Variants in TBXAS1 observed in about 807,000 individuals in gnomAD.
TBXAS1 encodes the protein thromboxane A synthase 1, also known as thromboxane-A synthase.
A neutral mutation model predicts 60.7 loss-of-function variants in TBXAS1; 48 were observed. That is an observed-to-expected ratio of 0.79 (90% CI 0.63 to 1.01). The LOEUF (loss-of-function observed/expected upper bound fraction) is 1.01. TBXAS1 is among the 50% of genes least tolerant of loss of function. The pLI, the probability that TBXAS1 is intolerant of heterozygous loss-of-function variation, is 0.00. For missense variants in TBXAS1, 685 were observed against 686.3 expected, an observed-to-expected ratio of 1.00 and a Z score of 0.02; for synonymous variants, 287 against 269.7, an observed-to-expected ratio of 1.06 and a Z score of -0.63.
intron 4 of TBXAS1, among the ~76,000 whole-genome samples, chr7:139,931,572 C>CGCCTCACATG (rs1807332561): frequency 6.6e-6 from 1 of 152,172 alleles, no homozygotes; most frequent in South Asian, 2.1e-4. Flanking sequence ...GTGAAAGGCA[C>CGCCTCACATG]GCCTCACATG....
intron 5 of TBXAS1, among the ~76,000 whole-genome samples, chr7:139,949,593 G>A (rs951687510): frequency 6.6e-6 from 1 of 152,180 alleles, no homozygotes; most frequent in Admixed American, 6.5e-5. Flanking sequence ...ACACCCTTTT[G>A]TACTGATGGA....
chr7:140,017,930 G>A, intron 12 of TBXAS1, 97 bp downstream of exon 12: 1 of 1,561,580 alleles, frequency 6.4e-7, no homozygotes, highest in Non-Finnish European at 8.8e-7. Flanking sequence ...GGCAACATCA[G>A]GCTCTGCCTC....
chr7:139,914,591 G>T (rs997632790), intron 4 of TBXAS1, among the ~76,000 whole-genome samples: 13 of 152,004 alleles, frequency 8.6e-5, no homozygotes, highest in Non-Finnish European at 1.5e-5. Context: ...CTTCTCACAA[G>T]AAAACCCTCC....
intron 10 of TBXAS1, among the ~76,000 whole-genome samples, chr7:140,012,915 GA>G (rs1417922195): frequency 6.6e-6 from 1 of 152,140 alleles, no homozygotes; most frequent in African/African-American, 2.4e-5. Flanking sequence ...TGTTTAACAG[GA>G]ACTCAAAGCC....
intron 4 of TBXAS1, among the ~76,000 whole-genome samples, chr7:139,930,764 A>G (rs988969583): frequency 1.3e-5 from 2 of 152,174 alleles, no homozygotes; most frequent in African/African-American, 4.8e-5. Flanking sequence ...TTGTCTTTAG[A>G]AAGATCCCAC....
At chr7:139,879,563 C>T (rs997965977) in intron 3 of TBXAS1, among the ~76,000 whole-genome samples, 13 of 151,874 alleles carry the variant, frequency 8.6e-5, no homozygotes, top group African/African-American at 2.9e-4. Flanking sequence ...TCAACATTAT[C>T]GTCATACATT....
At chr7:139,889,371 T>C (rs1298477320) in intron 3 of TBXAS1, among the ~76,000 whole-genome samples, 1 of 151,880 alleles carries the variant, frequency 6.6e-6, no homozygotes, top group East Asian at 1.9e-4. Context: ...TCATTGATTG[T>C]AACAAGTAAG....
At chr7:139,936,054 C>G (rs2117194051) in intron 4 of TBXAS1, 137 bp from the exon 5 acceptor site, 3 of 821,544 alleles carry the variant, frequency 3.7e-6, no homozygotes, top group Non-Finnish European at 4.3e-6. Context: ...GTCTTCCTCT[C>G]TCTCCTTGCA....
chr7:139,847,252 A>T (rs1799880411), intron 1 of TBXAS1, among the ~76,000 whole-genome samples: 1 of 152,190 alleles, frequency 6.6e-6, no homozygotes, highest in South Asian at 2.1e-4. Context: ...TAAGAGTACC[A>T]TTCTAATTTT....
In TBXAS1 at chr7:139,939,181, A is replaced by G. The variant is rs541654571; in HGVS notation, c.450+2874A>G. On this transcript the variant is annotated intron_variant, in intron 5 of 12. Coordinates refer to ENST00000448866, the MANE Select transcript of TBXAS1 (RefSeq NM_001061.7). ...GGAGTTCAAGACCAGCTTGATCAACATGGTGAAACCCTGTCTCTACTAAGA... is the reference window on the plus strand; with the variant it reads ...GGAGTTCAAGACCAGCTTGATCAACGTGGTGAAACCCTGTCTCTACTAAGA... 2.6e-5 allele frequency among the ~76,000 whole-genome samples: 4 copies of G among 152,262 alleles called. 1 individual carries two copies. The highest frequency in any genetic ancestry group is 9.6e-5 in the African/African-American group (4 of 41,552).
chr7:139,874,314 T>C (rs1802052889), intron 2 of TBXAS1, among the ~76,000 whole-genome samples: 1 of 152,202 alleles, frequency 6.6e-6, no homozygotes, highest in Non-Finnish European at 1.5e-5. Context: ...TGATCAGTTG[T>C]ATTCCGTGGA....
intron 9 of TBXAS1, among the ~76,000 whole-genome samples, chr7:140,002,054 AC>A (rs1813711304): frequency 6.6e-6 from 1 of 152,180 alleles, no homozygotes; most frequent in Non-Finnish European, 1.5e-5. Flanking sequence ...TTTTAAAGTT[AC>A]GTCTCCCGGG....
At chr7:139,838,978 A>G (rs190992990) in intron 1 of TBXAS1, among the ~76,000 whole-genome samples, 4 of 152,308 alleles carry the variant, frequency 2.6e-5, no homozygotes, top group African/African-American at 9.6e-5. Context: ...TCTGGAGGAG[A>G]TTTGATGGAC....
chr7:139,801,992 G>A (rs1352380401), intron 4 of TBXAS1, among the ~76,000 whole-genome samples: 1 of 152,170 alleles, frequency 6.6e-6, no homozygotes, highest in Non-Finnish European at 1.5e-5. Flanking sequence ...TCAAACTCCT[G>A]ACCTCAGATG....
intron 4 of TBXAS1, among the ~76,000 whole-genome samples, chr7:139,921,736 A>G (rs909469211): frequency 5.3e-5 from 8 of 152,200 alleles, no homozygotes; most frequent in Admixed American, 3.9e-4. Flanking sequence ...TAGCATTCCA[A>G]TGTATAGAAA....
At chr7:139,793,297 G>A (rs1217749020) in intron 4 of TBXAS1, among the ~76,000 whole-genome samples, 1 of 152,046 alleles carries the variant, frequency 6.6e-6, no homozygotes. Flanking sequence ...GCGCACTCTT[G>A]TAGTCCCAGC....
intron 5 of TBXAS1, among the ~76,000 whole-genome samples, chr7:139,950,881 C>T (rs1197625982): frequency 6.9e-6 from 1 of 144,700 alleles, no homozygotes; most frequent in Non-Finnish European, 1.5e-5. Flanking sequence ...GACCCCCTCG[C>T]CCTCCATCTA....
rs575948336 is a variant in TBXAS1 at position 140,017,411 on chromosome 7, C to T, written c.1365-260C>T. Among the ~76,000 whole-genome samples the T allele has an allele frequency of 5.9e-5, 9 of 152,318 alleles. No individual in the cohort carries two copies. In the South Asian group the frequency reaches 1.9e-3, roughly 32 times the overall value. The stretch of plus-strand genomic sequence containing the variant: ...AGTCTGTGGGCTTATTAGCCACACA[C>T]TGAATTCCTAAGGAGAGGCAGGGAG... On this transcript the variant is annotated intron_variant, in intron 11 of 12. Coordinates refer to ENST00000448866, the MANE Select transcript of TBXAS1 (RefSeq NM_001061.7).
chr7:139,872,940 AGAG>A (rs749391917), intron 2 of TBXAS1, among the ~76,000 whole-genome samples: 30 of 152,334 alleles, frequency 2.0e-4, no homozygotes, highest in Non-Finnish European at 3.1e-4. Context: ...GTGTAGAAGA[AGAG>A]GTTACTTGTG....
Sources: gnomAD v4.1 joint callset for allele counts (sites outside exome capture counted in the v4.1 genomes callset) on GRCh38, gnomAD v4.1.1 for gene constraint, MANE v1.5 for transcripts, NCBI Gene and HGNC (gene_info 2026-07-23, HGNC 2026-07-21) for gene names.